ZNF148: variants seen among roughly 807,000 people sequenced by gnomAD.
ZNF148 encodes zinc finger protein 148.
A neutral mutation model predicts 67.7 loss-of-function variants in ZNF148; 7 were observed. The observed-to-expected ratio is 0.10, with a 90% confidence interval of 0.06 to 0.19. The LOEUF (loss-of-function observed/expected upper bound fraction) is 0.19. Among genes scored for constraint, ZNF148 ranks in the 10% least tolerant of loss-of-function variants. The pLI, the probability that ZNF148 is intolerant of heterozygous loss-of-function variation, is 1.00. For missense variants in ZNF148, 583 were observed against 947.1 expected (o/e 0.62, Z 5.05); for synonymous variants, 333 against 330.7 (o/e 1.01, Z -0.08).
Position 125,225,868 on chromosome 3 carries a change from G to A in ZNF148, c.*6473C>T, listed in dbSNP as rs140637461. 5.3e-4 allele frequency: 81 copies of A among 152,188 alleles called. No homozygotes were observed. The highest frequency in any genetic ancestry group is 1.6e-3 in the African/African-American group (67 of 41,504). The allele number at this position is 152,188 out of a possible 1,614,324, so 9.4% of individuals were successfully genotyped here. The stretch of plus-strand genomic sequence containing the variant: ...GCACCATGCTAATAATAAGGCCAGG[G>A]TCCTAGGACTGATCATTGCGAGGGC... On this transcript the variant is annotated 3_prime_UTR_variant, in exon 9 of 9. Coordinates refer to ENST00000360647, the MANE Select transcript of ZNF148 (RefSeq NM_021964.3).
rs185761404 is a variant in ZNF148 at position 125,313,493 on chromosome 3, G to C, written c.148C>G (p.Arg50Gly). The change falls in exon 4 of 9, where the codon CGA becomes GGA. Residue 50 changes from arginine (R) to glycine (G), a missense_variant. Physicochemically the swap from Arg to Gly is moderately radical, Grantham distance 125. This residue lies in a region of ZNF148 where 150 missense variants were observed against 202.5 expected (regional missense o/e 0.74). Coordinates refer to ENST00000360647, the MANE Select transcript of ZNF148 (RefSeq NM_021964.3). ...AGGATCTCCTGGTGAGGCATACTTC[G>C]ATCTTGAAGTACTGAATCCTGTAGC... ...GELQDSVLQD[R>G]SMPHQEILAA... The C allele has an allele frequency of 3.1e-6, 5 of 1,614,042 alleles. No individual in the cohort carries two copies. The highest frequency in any genetic ancestry group is 4.5e-5 in the East Asian group (2 of 44,874).
At chr3:125,298,712 C>T (rs532149348) in intron 4 of ZNF148, among the ~76,000 whole-genome samples, 9 of 149,892 alleles carry the variant, frequency 6.0e-5, no homozygotes, top group Non-Finnish European at 1.0e-4. Flanking sequence ...GCAAGCCCCA[C>T]CTCCCAGGTT....
chr3:125,279,261 A>AAAG lies in ZNF148; in HGVS notation c.460-15_460-14insCTT. 6.6e-7 allele frequency: 1 copy of AAAG among 1,521,816 alleles called. No individual in the cohort carries two copies. Among genetic ancestry groups the AAAG allele is most frequent in the South Asian group, 1.3e-5 (1 of 74,988 alleles). The allele number at this position is 1,521,816 out of a possible 1,614,324, so 94.3% of individuals were successfully genotyped here. ...TATTGTAAGGATCTAGTTCAAAAAA[A>AAAG]AAAAGGCAAAAACAAAAGAAATAAG... On this transcript the variant is annotated splice_polypyrimidine_tract_variant and intron_variant, in intron 5 of 8. Coordinates refer to ENST00000360647, the MANE Select transcript of ZNF148 (RefSeq NM_021964.3).
intron 3 of ZNF148, among the ~76,000 whole-genome samples, chr3:125,315,818 A>G (rs1384176148): frequency 1.3e-5 from 2 of 152,212 alleles, no homozygotes; most frequent in Non-Finnish European, 2.9e-5. Flanking sequence ...CAAATCATGG[A>G]GAATGGGGTA....
intron 1 of ZNF148, among the ~76,000 whole-genome samples, chr3:125,372,456 T>C (rs907959459): frequency 2.0e-5 from 3 of 152,220 alleles, no homozygotes; most frequent in Admixed American, 6.5e-5. Flanking sequence ...ATAATGTCAA[T>C]GACACATTCA....
intron 1 of ZNF148, among the ~76,000 whole-genome samples, chr3:125,343,066 A>G (rs1392977858): frequency 6.6e-6 from 1 of 152,226 alleles, no homozygotes; most frequent in Non-Finnish European, 1.5e-5. Context: ...AAAATTCTTA[A>G]TTTATATTAA....
intron 3 of ZNF148, among the ~76,000 whole-genome samples, chr3:125,321,410 A>AAC (rs1940765460): frequency 7.3e-6 from 1 of 136,904 alleles, no homozygotes; most frequent in African/African-American, 2.7e-5. Context: ...CTTTAAAAAA[A>AAC]ACTCTATTTT....
chr3:125,299,849 C>A (rs1184208413), intron 4 of ZNF148, among the ~76,000 whole-genome samples: 1 of 152,200 alleles, frequency 6.6e-6, no homozygotes, highest in Non-Finnish European at 1.5e-5. Context: ...AGAGTAAAAT[C>A]TTGTGAAAAA....
intron 7 of ZNF148, among the ~76,000 whole-genome samples, chr3:125,253,477 A>G (rs1936935937): frequency 6.6e-6 from 1 of 152,094 alleles, no homozygotes. Flanking sequence ...AGGACCTCCA[A>G]TACCATGTTG....
At chr3:125,295,817 C>T (rs1939252899) in intron 4 of ZNF148, among the ~76,000 whole-genome samples, 1 of 152,148 alleles carries the variant, frequency 6.6e-6, no homozygotes. Flanking sequence ...ATAATAAACT[C>T]ATCTGTTAAT....
chr3:125,330,235 C>CGGAT (rs898045413), intron 2 of ZNF148, among the ~76,000 whole-genome samples: 1 of 152,048 alleles, frequency 6.6e-6, no homozygotes, highest in African/African-American at 2.4e-5. Context: ...GAGGCCAAGG[C>CGGAT]GGATGGATTG....
chr3:125,262,686 T>A (rs1298838629), intron 7 of ZNF148, among the ~76,000 whole-genome samples: 1 of 152,236 alleles, frequency 6.6e-6, no homozygotes, highest in African/African-American at 2.4e-5. Context: ...AATTTTGGCT[T>A]TACATTCAAA....
intron 4 of ZNF148, among the ~76,000 whole-genome samples, chr3:125,306,897 GA>G: frequency 6.6e-6 from 1 of 152,092 alleles, no homozygotes; most frequent in East Asian, 1.9e-4. Context: ...TTCCCACAAA[GA>G]AAACTCAACT....
intron 4 of ZNF148, among the ~76,000 whole-genome samples, chr3:125,290,622 C>G (rs931227894): frequency 6.6e-6 from 1 of 152,156 alleles, no homozygotes; most frequent in African/African-American, 2.4e-5. Flanking sequence ...AGTGCCTGCT[C>G]TGTCAGGCTA....
intron 1 of ZNF148, among the ~76,000 whole-genome samples, chr3:125,337,320 A>G (rs1941541131): frequency 6.6e-6 from 1 of 152,194 alleles, no homozygotes; most frequent in Non-Finnish European, 1.5e-5. Flanking sequence ...TAAACTTTAA[A>G]CTACTAAAGA....
chr3:125,344,065 G>T, intron 1 of ZNF148: 1 of 183,174 alleles, frequency 5.5e-6, no homozygotes. Flanking sequence ...TCTGTTAAAT[G>T]CACGCATTAA....
At chr3:125,322,220 GT>G (rs2107691533) in intron 3 of ZNF148, among the ~76,000 whole-genome samples, 1 of 151,612 alleles carries the variant, frequency 6.6e-6, no homozygotes, top group East Asian at 1.9e-4. Flanking sequence ...TAGAGACAGG[GT>G]TTCACCGTGT....
chr3:125,312,729 G>A (rs1940283203), intron 4 of ZNF148, among the ~76,000 whole-genome samples: 1 of 152,230 alleles, frequency 6.6e-6, no homozygotes, highest in South Asian at 2.1e-4. Flanking sequence ...TTACATGATG[G>A]TTGTGGTTTC....
rs958433507 is a variant in ZNF148 at position 125,231,506 on chromosome 3, C to T, written c.*835G>A. The T allele has an allele frequency of 2.6e-5, 4 of 152,352 alleles. No individual in the cohort carries two copies. Among genetic ancestry groups the T allele is most frequent in the African/African-American group, 9.7e-5 (4 of 41,394 alleles). 9.4% of individuals were successfully genotyped at this position (152,352 alleles called of 1,614,324 possible). The stretch of plus-strand genomic sequence containing the variant: ...ATACATTTTGTGTAAGCATTATGTT[C>T]TTGGGAATGTAATCTACAGAATTTC... On this transcript the variant is annotated 3_prime_UTR_variant, in exon 9 of 9. Transcript: ENST00000360647.
Sources: allele counts gnomAD v4.1 joint callset (sites outside exome capture counted in the v4.1 genomes callset), GRCh38; gene constraint gnomAD v4.1.1; regional missense constraint gnomAD v4.1.1; transcripts MANE v1.5; gene names NCBI Gene and HGNC (gene_info 2026-07-23, HGNC 2026-07-21).